Variants in MAPK10 observed in about 807,000 individuals in gnomAD.
The protein encoded by MAPK10 is JNK3 alpha protein kinase.
Under a neutral mutation model 59.3 loss-of-function variants are expected in MAPK10, and 25 were observed. That is an observed-to-expected ratio of 0.42 (90% CI 0.31 to 0.59). The LOEUF (loss-of-function observed/expected upper bound fraction) is 0.59, where lower values mean the gene tolerates loss of function less well. Ranked by LOEUF, MAPK10 falls within the 20% of genes least tolerant of loss-of-function variation. MAPK10 has a pLI of 0.15. For missense variants in MAPK10, 351 were observed against 568.9 expected, an observed-to-expected ratio of 0.62 and a Z score of 3.90; for synonymous variants, 190 against 200.5, an observed-to-expected ratio of 0.95 and a Z score of 0.44.
rs1203363483 is a variant in MAPK10 at position 86,241,164 on chromosome 4, C to T, written c.-6-46757G>A. On this transcript the variant is annotated intron_variant, in intron 2 of 13. Transcript: ENST00000641462. The stretch of plus-strand genomic sequence containing the variant: ...TCTTTAAGAATGTTGAATATTGGCC[C>T]CCAATATCTTCTGGCTTGTAGAGTT... Among the ~76,000 whole-genome samples, 9 of 152,238 alleles carry T rather than the reference C, an allele frequency of 5.9e-5. No individual in the cohort carries two copies. The East Asian group carries it at 1.4e-3, about 23-fold the overall frequency.
chr4:86,031,256 A>G (rs2038955023), intron 12 of MAPK10, 112 bp downstream of exon 12: 1 of 748,200 alleles, frequency 1.3e-6, no homozygotes, highest in Admixed American at 2.4e-5. Flanking sequence ...GGTCTAAGAG[A>G]ATAGCAGTCA....
At chr4:86,448,394 A>T (rs2149052853) in intron 1 of MAPK10, among the ~76,000 whole-genome samples, 1 of 133,770 alleles carries the variant, frequency 7.5e-6, no homozygotes, top group African/African-American at 2.7e-5. Flanking sequence ...ATTAAAAAGA[A>T]TTCTGGGTTT....
At chr4:86,110,061 C>T (rs1195492554) in intron 4 of MAPK10, among the ~76,000 whole-genome samples, 2 of 152,024 alleles carry the variant, frequency 1.3e-5, no homozygotes, top group Non-Finnish European at 1.5e-5. Context: ...CCTCTGCCCC[C>T]TTTATATGAG....
intron 11 of MAPK10, among the ~76,000 whole-genome samples, chr4:86,050,354 T>C (rs1560999013): frequency 6.6e-6 from 1 of 152,166 alleles, no homozygotes; most frequent in Admixed American, 6.6e-5. Flanking sequence ...CAATCTTCAA[T>C]GGCAGCGTAC....
intron 1 of MAPK10, among the ~76,000 whole-genome samples, chr4:86,497,743 G>A (rs1480824726): frequency 1.3e-5 from 2 of 152,118 alleles, no homozygotes; most frequent in Non-Finnish European, 2.9e-5. Flanking sequence ...AATTTCGAGT[G>A]TACCAAGCAA....
intron 2 of MAPK10, among the ~76,000 whole-genome samples, chr4:86,347,627 T>C (rs1470065198): frequency 6.6e-6 from 1 of 152,160 alleles, no homozygotes; most frequent in Non-Finnish European, 1.5e-5. Context: ...AATTTATTTC[T>C]CAGTTCTGGA....
At chr4:86,141,727 T>C (rs1358102531) in intron 4 of MAPK10, among the ~76,000 whole-genome samples, 1 of 152,202 alleles carries the variant, frequency 6.6e-6, no homozygotes, top group Non-Finnish European at 1.5e-5. Context: ...ATGTAGCCTA[T>C]AAGTTTCTTT....
chr4:86,339,875 A>G (rs562322206), intron 2 of MAPK10, among the ~76,000 whole-genome samples: 1 of 152,360 alleles, frequency 6.6e-6, no homozygotes, highest in Admixed American at 6.5e-5. Flanking sequence ...TTCAATGAGC[A>G]ATTATGCTAA....
intron 2 of MAPK10, among the ~76,000 whole-genome samples, chr4:86,318,589 A>G (rs1265461107): frequency 6.6e-6 from 1 of 152,118 alleles, no homozygotes; most frequent in East Asian, 1.9e-4. Context: ...CAGTGGAAAA[A>G]GAAGAAGAGA....
intron 2 of MAPK10, among the ~76,000 whole-genome samples, chr4:86,274,496 T>A (rs2094518627): frequency 6.6e-6 from 1 of 151,936 alleles, no homozygotes; most frequent in South Asian, 2.1e-4. Flanking sequence ...ACACCTCAGC[T>A]TTCTCGCCTC....
At chr4:86,070,980 A>G (rs2149001989) in intron 9 of MAPK10, among the ~76,000 whole-genome samples, 1 of 152,110 alleles carries the variant, frequency 6.6e-6, no homozygotes, top group South Asian at 2.1e-4. Context: ...GACTTCCACA[A>G]TGGTTGAACC....
chr4:86,044,774 A>G, intron 11 of MAPK10: 1 of 397,630 alleles, frequency 2.5e-6, no homozygotes, highest in Non-Finnish European at 4.4e-6. Context: ...AACAATGGAA[A>G]GAGCACTGAA....
chr4:86,505,537 T>C (rs1453848412), intron 1 of MAPK10, among the ~76,000 whole-genome samples: 1 of 152,058 alleles, frequency 6.6e-6, no homozygotes, highest in Non-Finnish European at 1.5e-5. Context: ...TAATGAGCTA[T>C]GATCACACCA....
intron 12 of MAPK10, among the ~76,000 whole-genome samples, chr4:86,030,197 C>T (rs944760089): frequency 2.0e-5 from 3 of 152,098 alleles, no homozygotes; most frequent in African/African-American, 4.8e-5. Context: ...TCATCTATAT[C>T]AAGCATCTTT....
In MAPK10 at chr4:86,477,090, C is replaced by A. The variant is rs184347244; in HGVS notation, c.-263+116820G>T. Among the ~76,000 whole-genome samples, 13 of 152,300 alleles carry A rather than the reference C, an allele frequency of 8.5e-5. No homozygotes were observed. The East Asian group carries it at 2.3e-3, about 27-fold the overall frequency. Reference sequence around the variant, plus strand: ...GACACTGCCCGATTGCCTCAGAAGCCTACAGGACCATCACAGATGCTCTAG... The same window carrying A: ...GACACTGCCCGATTGCCTCAGAAGCATACAGGACCATCACAGATGCTCTAG... On this transcript the variant is annotated intron_variant, in intron 1 of 4. Coordinates refer to the MAPK10 transcript ENST00000502302.
intron 1 of MAPK10, among the ~76,000 whole-genome samples, chr4:86,471,843 G>C (rs1305198350): frequency 1.3e-5 from 2 of 152,058 alleles, no homozygotes; most frequent in East Asian, 1.9e-4. Context: ...AATCAGAGAT[G>C]ATGACTGTAG....
chr4:86,058,250 C>T (rs1221405581), intron 11 of MAPK10, among the ~76,000 whole-genome samples: 1 of 149,800 alleles, frequency 6.7e-6, no homozygotes, highest in East Asian at 1.9e-4. Flanking sequence ...TCCCTGGTTA[C>T]TTCTCCTTTA....
intron 2 of MAPK10, among the ~76,000 whole-genome samples, chr4:86,237,320 G>A (rs905276803): frequency 5.3e-5 from 8 of 152,126 alleles, no homozygotes; most frequent in African/African-American, 1.9e-4. Flanking sequence ...AAACATATGT[G>A]TGCATGTGTC....
intron 11 of MAPK10, among the ~76,000 whole-genome samples, chr4:86,045,689 T>C (rs2042362730): frequency 6.6e-6 from 1 of 151,874 alleles, no homozygotes; most frequent in Admixed American, 6.6e-5. Flanking sequence ...AACTCCTTCC[T>C]TATCTGGTCC....
Sources: gnomAD v4.1 joint callset for allele counts (sites outside exome capture counted in the v4.1 genomes callset) on GRCh38, gnomAD v4.1.1 for gene constraint, MANE v1.5 for transcripts, NCBI Gene and HGNC (gene_info 2026-07-23, HGNC 2026-07-21) for gene names.